SEMA5A: variants seen among roughly 807,000 people sequenced by gnomAD.
SEMA5A encodes the protein semaphorin 5A.
SEMA5A carries 55 observed loss-of-function variants against 135.5 expected under a neutral mutation model. The observed-to-expected ratio is 0.41, with a 90% CI of 0.33 to 0.51. The LOEUF is 0.51. Ranked by LOEUF, SEMA5A falls within the 20% of genes least tolerant of loss-of-function variation. The pLI, the probability that SEMA5A is intolerant of heterozygous loss-of-function variation, is 0.37. For missense variants in SEMA5A, 1,290 were observed against 1,419.9 expected, an observed-to-expected ratio of 0.91 and a Z score of 1.47; for synonymous variants, 580 against 546.5, an observed-to-expected ratio of 1.06 and a Z score of -0.85.
At chr5:9,080,664 A>G (rs2150102361) in intron 16 of SEMA5A, among the ~76,000 whole-genome samples, 1 of 152,192 alleles carries the variant, frequency 6.6e-6, no homozygotes, top group South Asian at 2.1e-4. Context: ...AGTTTGCACT[A>G]CTCAGTCTTC....
chr5:9,272,308 G>C (rs1305440047), intron 5 of SEMA5A, among the ~76,000 whole-genome samples: 2 of 152,220 alleles, frequency 1.3e-5, no homozygotes, highest in Non-Finnish European at 1.5e-5. Context: ...ACTGAAGCCA[G>C]ACCATCTCTC....
intron 5 of SEMA5A, among the ~76,000 whole-genome samples, chr5:9,256,885 C>T (rs894905082): frequency 6.6e-6 from 1 of 152,224 alleles, no homozygotes; most frequent in African/African-American, 2.4e-5. Context: ...TCAAGATTAG[C>T]ATGAAGAGTG....
At chr5:9,521,409 TA>T (rs935867080) in intron 1 of SEMA5A, among the ~76,000 whole-genome samples, 126 of 152,110 alleles carry the variant, frequency 8.3e-4, no homozygotes, top group African/African-American at 2.9e-3. Flanking sequence ...GATACTGTCT[TA>T]AAAAAATAAA....
intron 12 of SEMA5A, among the ~76,000 whole-genome samples, chr5:9,137,689 A>G (rs922644047): frequency 4.6e-5 from 7 of 152,222 alleles, no homozygotes; most frequent in Non-Finnish European, 1.0e-4. Flanking sequence ...GTTACAAACT[A>G]GTCAAGGACT....
At chr5:9,510,205 T>C (rs1267808710) in intron 1 of SEMA5A, among the ~76,000 whole-genome samples, 2 of 152,218 alleles carry the variant, frequency 1.3e-5, no homozygotes, top group Non-Finnish European at 2.9e-5. Flanking sequence ...ACTCATTCAA[T>C]CTTCTGTTCA....
chr5:9,314,798 C>G (rs563254030), intron 5 of SEMA5A, among the ~76,000 whole-genome samples: 1 of 152,176 alleles, frequency 6.6e-6, no homozygotes, highest in African/African-American at 2.4e-5. Flanking sequence ...TATGAAAAAG[C>G]AGAATTGCCC....
chr5:9,167,441 C>T (rs1743673778), intron 11 of SEMA5A, among the ~76,000 whole-genome samples: 1 of 152,184 alleles, frequency 6.6e-6, no homozygotes, highest in African/African-American at 2.4e-5. Flanking sequence ...AATCCACTGG[C>T]TAGGATGGAA....
intron 5 of SEMA5A, among the ~76,000 whole-genome samples, chr5:9,263,418 A>C (rs562511933): frequency 6.6e-6 from 1 of 152,164 alleles, no homozygotes; most frequent in African/African-American, 2.4e-5. Flanking sequence ...TGAACTGCGC[A>C]CTGCAGTGAG....
At chr5:9,178,319 T>C (rs1744313669) in intron 11 of SEMA5A, among the ~76,000 whole-genome samples, 1 of 146,984 alleles carries the variant, frequency 6.8e-6, no homozygotes, top group Admixed American at 7.0e-5. Context: ...CTCTTTCTTT[T>C]TTTTTTCTCT....
At chr5:9,194,292 T>A (rs1745273034) in intron 10 of SEMA5A, among the ~76,000 whole-genome samples, 1 of 152,228 alleles carries the variant, frequency 6.6e-6, no homozygotes, top group South Asian at 2.1e-4. Context: ...GTTTTGAGAT[T>A]TCTATATTAA....
intron 6 of SEMA5A, among the ~76,000 whole-genome samples, chr5:9,232,650 A>G (rs1747698606): frequency 1.3e-5 from 2 of 152,222 alleles, no homozygotes; most frequent in South Asian, 4.1e-4. Flanking sequence ...GTGTATTGAT[A>G]TATAAAATAT....
At chr5:9,304,160 C>T (rs980963231) in intron 5 of SEMA5A, among the ~76,000 whole-genome samples, 1 of 152,062 alleles carries the variant, frequency 6.6e-6, no homozygotes, top group African/African-American at 2.4e-5. Context: ...CCTGTTTTCT[C>T]TTGTATACCT....
At chr5:9,485,091 A>C (rs1734624384) in intron 1 of SEMA5A, among the ~76,000 whole-genome samples, 1 of 152,184 alleles carries the variant, frequency 6.6e-6, no homozygotes, top group South Asian at 2.1e-4. Context: ...TTCATTGTTT[A>C]TCTGAAGTTT....
intron 3 of SEMA5A, among the ~76,000 whole-genome samples, chr5:9,338,309 C>G (rs1200342903): frequency 6.6e-6 from 1 of 152,052 alleles, no homozygotes; most frequent in Non-Finnish European, 1.5e-5. Flanking sequence ...CTATTTTGGC[C>G]CCATGATTAG....
chr5:9,050,341 C>T (rs1282529691), intron 21 of SEMA5A, 69 bp downstream of exon 21: 3 of 1,386,468 alleles, frequency 2.2e-6, no homozygotes, highest in Non-Finnish European at 2.9e-6. Context: ...TTATAGAAAA[C>T]ATGCAGGAAG....
chr5:9,279,187 T>C (rs978164281), intron 5 of SEMA5A, among the ~76,000 whole-genome samples: 1 of 152,200 alleles, frequency 6.6e-6, no homozygotes, highest in Non-Finnish European at 1.5e-5. Flanking sequence ...CTTGTGTTAG[T>C]GTGGCCTGGA....
intron 12 of SEMA5A, among the ~76,000 whole-genome samples, chr5:9,142,772 G>C (rs1285614276): frequency 1.3e-5 from 2 of 152,206 alleles, no homozygotes; most frequent in Admixed American, 1.3e-4. Context: ...TTCAAGACCA[G>C]CTTGGTCAAC....
intron 2 of SEMA5A, among the ~76,000 whole-genome samples, chr5:9,384,409 A>G (rs981923051): frequency 6.6e-6 from 1 of 152,098 alleles, no homozygotes; most frequent in African/African-American, 2.4e-5. Context: ...CTATGAAATT[A>G]GCAGCATCCC....
intron 1 of SEMA5A, among the ~76,000 whole-genome samples, chr5:9,448,323 TG>T (rs1758508221): frequency 6.6e-6 from 1 of 152,158 alleles, no homozygotes; most frequent in South Asian, 2.1e-4. Context: ...TGGAACTAAA[TG>T]GGAAGGAAAC....
Sources: gnomAD v4.1 joint callset for allele counts (sites outside exome capture counted in the v4.1 genomes callset) on GRCh38, gnomAD v4.1.1 for gene constraint, MANE v1.5 for transcripts, NCBI Gene and HGNC (gene_info 2026-07-23, HGNC 2026-07-21) for gene names.